NAALADL2: variants seen among roughly 807,000 people sequenced by gnomAD.
The protein encoded by NAALADL2 is inactive N-acetylated-alpha-linked acidic dipeptidase-like protein 2.
A neutral mutation model predicts 87.2 loss-of-function variants in NAALADL2; 76 were observed. The ratio of observed to expected loss-of-function variants is 0.87; its 90% CI spans 0.72 to 1.05. NAALADL2 has a LOEUF of 1.05. Ranked by LOEUF, NAALADL2 falls within the 50% of genes least tolerant of loss-of-function variation. The pLI is 0.00. For missense variants in NAALADL2, 1,089 were observed against 945.8 expected (o/e 1.15, Z -1.99); for synonymous variants, 354 against 331.0 (o/e 1.07, Z -0.75).
chr3:175,069,584 C>G (rs1397563908), intron 1 of NAALADL2, among the ~76,000 whole-genome samples: 1 of 150,458 alleles, frequency 6.6e-6, no homozygotes, highest in Non-Finnish European at 1.5e-5. Context: ...CTAGTTCAAC[C>G]ATTGTGGAAG....
chr3:174,503,988 G>T (rs1719056226), intron 1 of NAALADL2, among the ~76,000 whole-genome samples: 1 of 151,956 alleles, frequency 6.6e-6, no homozygotes, highest in Non-Finnish European at 1.5e-5. Context: ...TGGATGTATG[G>T]TTAATTTCAT....
intron 2 of NAALADL2, among the ~76,000 whole-genome samples, chr3:175,117,545 G>T (rs1725453321): frequency 6.6e-6 from 1 of 151,732 alleles, no homozygotes; most frequent in South Asian, 2.1e-4. Flanking sequence ...TCAGAGAAAT[G>T]CAAATCAAAA....
upstream of NAALADL2, among the ~76,000 whole-genome samples, chr3:174,857,435 A>T (rs1446846215): frequency 6.6e-6 from 1 of 152,242 alleles, no homozygotes; most frequent in African/African-American, 2.4e-5. Context: ...TTCCACTTTC[A>T]TCGTAATTTA....
intron 2 of NAALADL2, among the ~76,000 whole-genome samples, chr3:175,174,190 A>G (rs141196646): frequency 1.3e-5 from 2 of 152,292 alleles, no homozygotes; most frequent in African/African-American, 4.8e-5. Flanking sequence ...TGAACAATCC[A>G]TATAACAAAT....
intron 3 of NAALADL2, among the ~76,000 whole-genome samples, chr3:174,821,267 G>A (rs1034442677): frequency 3.3e-5 from 5 of 151,882 alleles, no homozygotes; most frequent in African/African-American, 1.2e-4. Context: ...TTCACCTTTA[G>A]TTTAATATTT....
At chr3:175,671,230 A>G (rs1033973176) in intron 11 of NAALADL2, among the ~76,000 whole-genome samples, 1 of 151,274 alleles carries the variant, frequency 6.6e-6, no homozygotes, top group African/African-American at 2.4e-5. Context: ...AAGTTTCTGC[A>G]AAATGTTAAC....
chr3:175,252,795 A>T (rs745627560), intron 3 of NAALADL2, among the ~76,000 whole-genome samples: 3 of 152,224 alleles, frequency 2.0e-5, no homozygotes, highest in Admixed American at 6.5e-5. Context: ...TATTGCTGAT[A>T]TGGAGAAAGT....
intron 11 of NAALADL2, among the ~76,000 whole-genome samples, chr3:175,642,380 A>T (rs1260075954): frequency 1.3e-5 from 2 of 152,232 alleles, no homozygotes; most frequent in African/African-American, 2.4e-5. Context: ...GCAAGAAGAA[A>T]TAACGGAGAT....
At chr3:175,348,142 C>G (rs1181784203) in intron 5 of NAALADL2, among the ~76,000 whole-genome samples, 1 of 152,102 alleles carries the variant, frequency 6.6e-6, no homozygotes, top group African/African-American at 2.4e-5. Context: ...ACCTCCACCT[C>G]CCAGGTTCAA....
intron 9 of NAALADL2, among the ~76,000 whole-genome samples, chr3:175,570,626 G>T (rs1717917822): frequency 6.6e-6 from 1 of 151,998 alleles, no homozygotes; most frequent in South Asian, 2.1e-4. Context: ...TACACCTGTA[G>T]TCCCAGCACT....
chr3:175,413,420 A>T (rs959134398), intron 5 of NAALADL2, among the ~76,000 whole-genome samples: 5 of 151,314 alleles, frequency 3.3e-5, no homozygotes, highest in Admixed American at 1.3e-4. Context: ...AAGTACAAAA[A>T]ATTGGCCGGG....
At chr3:175,776,855 C>T (rs1419851507) in intron 13 of NAALADL2, among the ~76,000 whole-genome samples, 2 of 152,016 alleles carry the variant, frequency 1.3e-5, no homozygotes, top group African/African-American at 2.4e-5. Flanking sequence ...GCTTTTGGAA[C>T]AATGTCTTTA....
chr3:174,741,507 T>G (rs1266078807), intron 3 of NAALADL2, among the ~76,000 whole-genome samples: 1 of 151,634 alleles, frequency 6.6e-6, no homozygotes, highest in Non-Finnish European at 1.5e-5. Flanking sequence ...TCCTTGGAAC[T>G]GAAATTATAT....
At chr3:174,646,964 T>G (rs930096849) in intron 2 of NAALADL2, among the ~76,000 whole-genome samples, 1 of 152,192 alleles carries the variant, frequency 6.6e-6, no homozygotes, top group Admixed American at 6.5e-5. Context: ...TTTTTAATGG[T>G]ACATCTAACT....
chr3:175,732,700 T>C (rs1282706553), intron 11 of NAALADL2, among the ~76,000 whole-genome samples: 1 of 152,132 alleles, frequency 6.6e-6, no homozygotes, highest in Admixed American at 6.6e-5. Flanking sequence ...GCTCTTTCTT[T>C]AGCTCAGTAT....
intron 9 of NAALADL2, among the ~76,000 whole-genome samples, chr3:175,530,281 T>G (rs934535326): frequency 6.6e-6 from 1 of 152,194 alleles, no homozygotes; most frequent in Non-Finnish European, 1.5e-5. Flanking sequence ...TTTTGACCAT[T>G]CAGAGAGGTC....
Position 175,803,037 on chromosome 3 carries a change from G to A in NAALADL2, c.2222G>A (p.Ser741Asn). 3.1e-6 allele frequency: 5 copies of A among 1,612,088 alleles called. No individual in the cohort carries two copies. The highest frequency in any genetic ancestry group is 4.2e-6 in the Non-Finnish European group (5 of 1,178,754). Residue 741 changes from serine (S) to asparagine (N), a missense_variant, in exon 14 of 14, where the codon AGC (serine) becomes AAC (asparagine). Coordinates refer to ENST00000454872, the MANE Select transcript of NAALADL2 (RefSeq NM_207015.3). Reference protein sequence around the residue: ...NILYHLDEKTSRFSILIEAWE... With the variant: ...NILYHLDEKTNRFSILIEAWE... ...CTCTACCACCTTGATGAAAAGACAAGCCGGTTTTCAATACTTATAGAGGCT... is the reference window on the plus strand; with the variant it reads ...CTCTACCACCTTGATGAAAAGACAAACCGGTTTTCAATACTTATAGAGGCT...
chr3:174,818,863 T>C (rs1256949005), intron 3 of NAALADL2, among the ~76,000 whole-genome samples: 1 of 152,026 alleles, frequency 6.6e-6, no homozygotes, highest in African/African-American at 2.4e-5. Context: ...AGTGGGGGCT[T>C]AGGCAGGTTC....
chr3:175,788,362 A>G lies in NAALADL2; in HGVS notation c.2190-14643A>G, dbSNP rs112655834. 2.4e-3 allele frequency among the ~76,000 whole-genome samples: 369 copies of G among 152,132 alleles called. 1 individual carries two copies. The highest frequency in any genetic ancestry group is 8.4e-3 in the African/African-American group (350 of 41,492). ...CACCTCAGCCTCCCAAAGTCCTAGG[A>G]TTATAGGGGTGAGCCACTGTGCCAA... On this transcript the variant is annotated intron_variant, in intron 13 of 13. Coordinates refer to ENST00000454872, the MANE Select transcript of NAALADL2 (RefSeq NM_207015.3).
Sources: gnomAD v4.1 joint callset for allele counts (sites outside exome capture counted in the v4.1 genomes callset) on GRCh38, gnomAD v4.1.1 for gene constraint, MANE v1.5 for transcripts, NCBI Gene and HGNC (gene_info 2026-07-23, HGNC 2026-07-21) for gene names.